The following TNS3 variants were observed in gnomAD, a reference collection of about 807,000 sequenced individuals.
The protein encoded by TNS3 is tensin 3.
Under a neutral mutation model 140.9 loss-of-function variants are expected in TNS3, and 45 were observed. That is an observed-to-expected ratio of 0.32 (90% CI 0.25 to 0.41). The LOEUF (loss-of-function observed/expected upper bound fraction) is 0.41, where lower values mean the gene tolerates loss of function less well. Ranked by LOEUF, TNS3 falls within the 10% of genes least tolerant of loss-of-function variation. The probability of loss-of-function intolerance (pLI) is 1.00; values close to 1 mark genes in which losing one functional copy is unlikely to be tolerated. For synonymous variants in TNS3, 815 were observed against 788.4 expected, an observed-to-expected ratio of 1.03 and a Z score of -0.56; for missense variants, 1,716 against 1,906.7, an observed-to-expected ratio of 0.90 and a Z score of 1.86.
chr7:47,301,791 G>A (rs1786415857), intron 23 of TNS3, among the ~76,000 whole-genome samples: 1 of 152,162 alleles, frequency 6.6e-6, no homozygotes, highest in South Asian at 2.1e-4. Context: ...TCAGAGGAGG[G>A]TGTCTCTCCT....
At chr7:47,466,310 G>A (rs890522811) in intron 4 of TNS3, among the ~76,000 whole-genome samples, 3 of 151,832 alleles carry the variant, frequency 2.0e-5, no homozygotes, top group African/African-American at 7.3e-5. Context: ...GCACCACCAA[G>A]ACCAGCTAAT....
chr7:47,520,433 A>G (rs569646555), intron 2 of TNS3, among the ~76,000 whole-genome samples: 1 of 152,312 alleles, frequency 6.6e-6, no homozygotes, highest in South Asian at 2.1e-4. Context: ...AGTTTTAAAA[A>G]TCAAAATCCA....
intron 4 of TNS3, among the ~76,000 whole-genome samples, chr7:47,464,439 C>T (rs1796618352): frequency 6.6e-6 from 1 of 152,084 alleles, no homozygotes; most frequent in Non-Finnish European, 1.5e-5. Flanking sequence ...CTCAGTAACC[C>T]TACGCCCCGA....
chr7:47,553,326 G>C (rs1198103557), intron 1 of TNS3, among the ~76,000 whole-genome samples: 1 of 152,188 alleles, frequency 6.6e-6, no homozygotes, highest in South Asian at 2.1e-4. Context: ...ATGCCACCTA[G>C]GACTTTCATA....
intron 1 of TNS3, among the ~76,000 whole-genome samples, chr7:47,559,842 C>A (rs1486686652): frequency 1.3e-5 from 2 of 152,164 alleles, no homozygotes; most frequent in African/African-American, 2.4e-5. Flanking sequence ...TAGCATAGGA[C>A]AAGGAAACCC....
chr7:47,528,607 T>G, intron 2 of TNS3, among the ~76,000 whole-genome samples: 1 of 152,164 alleles, frequency 6.6e-6, no homozygotes, highest in South Asian at 2.1e-4. Flanking sequence ...TCTAAATATC[T>G]GGTACCCAAG....
intron 17 of TNS3, among the ~76,000 whole-genome samples, chr7:47,366,273 A>G (rs896838538): frequency 6.6e-6 from 1 of 152,116 alleles, no homozygotes; most frequent in African/African-American, 2.4e-5. Context: ...TGGTTGCTAT[A>G]CGGCTGTATT....
intron 4 of TNS3, among the ~76,000 whole-genome samples, chr7:47,450,294 G>A (rs193301124): frequency 1.3e-5 from 2 of 152,322 alleles, no homozygotes; most frequent in East Asian, 3.9e-4. Flanking sequence ...AGTGACATCT[G>A]CTCCTTCCCA....
intron 3 of TNS3, among the ~76,000 whole-genome samples, chr7:47,481,976 G>A (rs531617264): frequency 2.1e-4 from 32 of 152,324 alleles, no homozygotes; most frequent in African/African-American, 6.7e-4. Flanking sequence ...AAGAGATGGC[G>A]CGTGAGGAGC....
At position 47,303,139 on chromosome 7, in the gene TNS3, C is replaced by T. The variant is rs1401825753; in HGVS notation, c.3268G>A (p.Val1090Met). 4 of 1,613,986 alleles carry T rather than the reference C, an allele frequency of 2.5e-6. No individual in the cohort carries two copies. The highest frequency in any genetic ancestry group is 1.1e-5 in the South Asian group (1 of 91,078). ...AGGGGTGGCTGCCCGGGCAGGGTCA[C>T]ACCCTGGCCCTGCAGGCCTGGACTG... Reference protein sequence around the residue: ...HHSPGLQGQGVTLPGQPPLPE... With the variant: ...HHSPGLQGQGMTLPGQPPLPE... The change falls in exon 22 of 31, where the codon GTG (valine) becomes ATG (methionine). Residue 1090 changes from valine to methionine, a missense_variant. Val to Met is a conservative substitution (Grantham distance 21). Around this residue, in one of 3 missense-constraint regions of TNS3, gnomAD observed 1,163 missense variants for 1,182.1 expected, o/e 0.98. Coordinates refer to ENST00000311160, the MANE Select transcript of TNS3 (RefSeq NM_022748.12).
chr7:47,415,292 C>G, intron 10 of TNS3, 86 bp from the exon 11 acceptor site: 1 of 916,866 alleles, frequency 1.1e-6, no homozygotes, highest in East Asian at 2.9e-5. Flanking sequence ...CACATCCTGG[C>G]TGAGTCTGGG....
At chr7:47,324,102 T>G (rs1200290534) in intron 20 of TNS3, among the ~76,000 whole-genome samples, 1 of 152,234 alleles carries the variant, frequency 6.6e-6, no homozygotes, top group African/African-American at 2.4e-5. Flanking sequence ...TTTCCCCTCC[T>G]GACCTGGCTG....
intron 27 of TNS3, among the ~76,000 whole-genome samples, chr7:47,286,132 TAA>T: frequency 6.6e-6 from 1 of 152,254 alleles, no homozygotes; most frequent in South Asian, 2.1e-4. Flanking sequence ...AATTTTGACC[TAA>T]CTACTAGGAA....
intron 15 of TNS3, 117 bp from the exon 16 acceptor site, chr7:47,397,021 C>T (rs1792875802): frequency 4.2e-6 from 3 of 707,394 alleles, no homozygotes; most frequent in African/African-American, 3.5e-5. Flanking sequence ...GAAGCCTCTC[C>T]ATCCTCCACC....
intron 20 of TNS3, 114 bp downstream of exon 20, chr7:47,344,641 G>T (rs1789213928): frequency 1.0e-6 from 1 of 982,760 alleles, no homozygotes; most frequent in South Asian, 1.5e-5. Flanking sequence ...AGGCTTCTGA[G>T]ATACGACACA....
chr7:47,481,769 A>G, intron 3 of TNS3: 1 of 934,454 alleles, frequency 1.1e-6, no homozygotes, highest in Non-Finnish European at 1.3e-6. Context: ...AAGGTGGCTC[A>G]AACACAGTCA....
intron 3 of TNS3, among the ~76,000 whole-genome samples, chr7:47,506,165 G>T (rs186045140): frequency 4.6e-5 from 7 of 152,302 alleles, no homozygotes. Context: ...GCAAAACACT[G>T]CTGACACCCC....
chr7:47,336,849 G>A (rs890102840), intron 20 of TNS3, among the ~76,000 whole-genome samples: 20 of 152,156 alleles, frequency 1.3e-4, no homozygotes, highest in African/African-American at 4.6e-4. Context: ...ACCCTATTGC[G>A]TTAGCCTGGA....
intron 3 of TNS3, among the ~76,000 whole-genome samples, chr7:47,485,121 AG>A (rs1797563481): frequency 6.6e-6 from 1 of 152,176 alleles, no homozygotes; most frequent in South Asian, 2.1e-4. Context: ...TGGCATGGCC[AG>A]GAGTCTAGAT....
Sources: allele counts gnomAD v4.1 joint callset (sites outside exome capture counted in the v4.1 genomes callset), GRCh38; gene constraint gnomAD v4.1.1; regional missense constraint gnomAD v4.1.1; transcripts MANE v1.5; gene names NCBI Gene and HGNC (gene_info 2026-07-23, HGNC 2026-07-21).